The following PLD5 variants were observed in gnomAD, a reference collection of about 807,000 sequenced individuals.
PLD5 encodes phospholipase D family member 5.
PLD5 carries 36 observed loss-of-function variants against 61.1 expected under a neutral mutation model. The ratio of observed to expected loss-of-function variants is 0.59; its 90% CI spans 0.45 to 0.78. PLD5 has a LOEUF of 0.78. PLD5 is among the 30% of genes least tolerant of loss of function. The probability of loss-of-function intolerance (pLI) is 0.00; values close to 1 mark genes in which losing one functional copy is unlikely to be tolerated. For synonymous variants in PLD5, 243 were observed against 242.8 expected, an observed-to-expected ratio of 1.00 and a Z score of -0.01; for missense variants, 515 against 644.4, an observed-to-expected ratio of 0.80 and a Z score of 2.17.
Position 242,317,462 on chromosome 1 carries a change from A to G in PLD5, c.327-28932T>C, listed in dbSNP as rs1382157739. 3.3e-5 allele frequency among the ~76,000 whole-genome samples: 5 copies of G among 150,866 alleles called. 1 individual carries two copies. The East Asian group carries it at 1.0e-3, about 30-fold the overall frequency. On this transcript the variant is annotated intron_variant, in intron 2 of 9. Transcript: ENST00000536534. Reference sequence around the variant, plus strand: ...ACCTATAATTGGGAAATATTCAAGAATTTGTAAACACTTTTTCTCTAGAAA... The same window carrying G: ...ACCTATAATTGGGAAATATTCAAGAGTTTGTAAACACTTTTTCTCTAGAAA...
intron 1 of PLD5, among the ~76,000 whole-genome samples, chr1:242,364,967 A>G (rs543194917): frequency 2.7e-5 from 1 of 36,860 alleles, no homozygotes; most frequent in African/African-American, 8.7e-5. Flanking sequence ...TTAGCAATAC[A>G]GATAAGGAAA....
chr1:242,381,542 G>A (rs1029360159), intron 1 of PLD5, among the ~76,000 whole-genome samples: 1 of 152,084 alleles, frequency 6.6e-6, no homozygotes, highest in African/African-American at 2.4e-5. Flanking sequence ...ATGTACCCTG[G>A]AACTTAAAAT....
chr1:242,474,974 G>A (rs1160658393), intron 1 of PLD5, among the ~76,000 whole-genome samples: 1 of 152,178 alleles, frequency 6.6e-6, no homozygotes, highest in Non-Finnish European at 1.5e-5. Flanking sequence ...TATGAGCTTA[G>A]AGGGCAGAGC....
intron 8 of PLD5, among the ~76,000 whole-genome samples, chr1:242,101,358 T>C (rs1036826950): frequency 4.6e-5 from 7 of 152,136 alleles, no homozygotes; most frequent in African/African-American, 1.4e-4. Context: ...ATTTCAACTT[T>C]TATTGACTCA....
At chr1:242,482,346 T>G (rs985119920) in intron 1 of PLD5, among the ~76,000 whole-genome samples, 1 of 152,080 alleles carries the variant, frequency 6.6e-6, no homozygotes, top group Non-Finnish European at 1.5e-5. Context: ...CAATAACCAA[T>G]GCAGAGAAGT....
intron 4 of PLD5, among the ~76,000 whole-genome samples, chr1:242,246,518 A>ACACACACACACAC (rs1256880675): frequency 2.7e-5 from 2 of 73,710 alleles, no homozygotes; most frequent in African/African-American, 4.6e-5. Flanking sequence ...CACACACACA[A>ACACACACACACAC]AAGCAAAATC....
At chr1:242,382,127 G>GAAAAAAAAAAAAAAA (rs763298170) in intron 1 of PLD5, among the ~76,000 whole-genome samples, 1 of 42,706 alleles carries the variant, frequency 2.3e-5, no homozygotes, top group East Asian at 9.4e-4. Flanking sequence ...GACTTTGACA[G>GAAAAAAAAAAAAAAA]CAAAAAAAAA....
At chr1:242,183,486 T>C (rs537334488) in intron 5 of PLD5, among the ~76,000 whole-genome samples, 27 of 152,300 alleles carry the variant, frequency 1.8e-4, no homozygotes, top group South Asian at 4.1e-4. Context: ...GAAAAGCAAT[T>C]ATTAGTACAT....
intron 7 of PLD5, among the ~76,000 whole-genome samples, chr1:242,109,141 C>G (rs935780311): frequency 2.0e-5 from 3 of 152,178 alleles, no homozygotes; most frequent in Non-Finnish European, 4.4e-5. Flanking sequence ...CGATGACCAC[C>G]GCAGTGATCC....
intron 5 of PLD5, among the ~76,000 whole-genome samples, chr1:242,201,158 A>G (rs1000610529): frequency 6.6e-6 from 1 of 152,212 alleles, no homozygotes; most frequent in African/African-American, 2.4e-5. Flanking sequence ...CTAAATTTCC[A>G]TATACAGTTT....
chr1:242,212,417 C>T (rs1478794628), intron 5 of PLD5, among the ~76,000 whole-genome samples: 3 of 152,160 alleles, frequency 2.0e-5, no homozygotes, highest in Admixed American at 1.3e-4. Flanking sequence ...CGCGACCATG[C>T]GAGCGGTGGG....
At chr1:242,263,272 C>T (rs999540834) in intron 4 of PLD5, among the ~76,000 whole-genome samples, 7 of 151,448 alleles carry the variant, frequency 4.6e-5, no homozygotes, top group African/African-American at 9.7e-5. Context: ...TGAAATTGCT[C>T]ATGGCTTATT....
chr1:242,405,065 G>C (rs1037289782), intron 1 of PLD5, among the ~76,000 whole-genome samples: 2 of 151,724 alleles, frequency 1.3e-5, no homozygotes, highest in Non-Finnish European at 2.9e-5. Context: ...ATTTTAAATA[G>C]AGATGGAGTT....
In PLD5 at chr1:242,283,339, T is replaced by C. The variant is rs114886996; in HGVS notation, c.495+5023A>G. On this transcript the variant is annotated intron_variant, in intron 3 of 9. Transcript: ENST00000536534. ...AGACCAGACCAATAAAATGTGTGCG[T>C]CTGCTGCTGAGCTGTTCTGCCTACC... 9.0e-3 allele frequency among the ~76,000 whole-genome samples: 1,365 copies of C among 152,326 alleles called. 7 individuals carry two copies. The highest frequency in any genetic ancestry group is 0.015 in the Non-Finnish European group (1,002 of 68,020).
chr1:242,485,190 G>C (rs1667915372), intron 1 of PLD5, among the ~76,000 whole-genome samples: 1 of 152,114 alleles, frequency 6.6e-6, no homozygotes, highest in African/African-American at 2.4e-5. Flanking sequence ...ATTCAACATA[G>C]TGTTGGAAGT....
chr1:242,318,366 T>G (rs1173122057), intron 2 of PLD5, among the ~76,000 whole-genome samples: 1 of 152,150 alleles, frequency 6.6e-6, no homozygotes, highest in Non-Finnish European at 1.5e-5. Context: ...TTTTTCCGAC[T>G]CCTCTGCTGT....
At chr1:242,512,680 T>G (rs1260834570) in intron 1 of PLD5, among the ~76,000 whole-genome samples, 1 of 152,190 alleles carries the variant, frequency 6.6e-6, no homozygotes, top group African/African-American at 2.4e-5. Context: ...ACACTGGATA[T>G]TGACATAGAT....
chr1:242,410,681 G>A (rs56218072), intron 1 of PLD5, among the ~76,000 whole-genome samples: 20,355 of 151,928 alleles, frequency 0.13, 1,418 homozygotes, highest in African/African-American at 0.16. Flanking sequence ...TTTAGCTTAG[G>A]TATTTTGCGT....
rs879741179 is a variant in PLD5 at position 242,395,063 on chromosome 1, A to ATATATGAATGTATATG, written c.190-46822_190-46821insCATATACATTCATATA. 4.1e-3 allele frequency among the ~76,000 whole-genome samples: 195 copies of ATATATGAATGTATATG among 47,980 alleles called. 10 individuals carry two copies. The highest frequency in any genetic ancestry group is 0.01 in the East Asian group (19 of 1,878). 31.5% of individuals were successfully genotyped at this position (47,980 alleles called of 152,430 possible). A position where few individuals can be genotyped will look rare whatever the true frequency, so the allele number is the denominator to read the frequency against. On this transcript the variant is annotated intron_variant, in intron 1 of 9. Coordinates refer to ENST00000536534, the MANE Select transcript of PLD5 (RefSeq NM_001372062.1). ...TATATGTATATATGAATATATATGT[A>ATATATGAATGTATATG]TATATATGAATATATATGTATATAT...
Sources: gnomAD v4.1 joint callset for allele counts (sites outside exome capture counted in the v4.1 genomes callset) on GRCh38, gnomAD v4.1.1 for gene constraint, MANE v1.5 for transcripts, NCBI Gene and HGNC (gene_info 2026-07-23, HGNC 2026-07-21) for gene names.